Variants in EGFR observed in about 807,000 individuals in gnomAD.
The protein encoded by EGFR is avian erythroblastic leukemia viral (v-erb-b) oncogene homolog.
Under a neutral mutation model 143.0 loss-of-function variants are expected in EGFR, and 58 were observed. The ratio of observed to expected loss-of-function variants is 0.41; its 90% CI spans 0.33 to 0.50. EGFR has a LOEUF of 0.50. Among genes scored for constraint, EGFR ranks in the 20% least tolerant of loss-of-function variants. The pLI is 0.39. For missense variants in EGFR, 1,307 were observed against 1,579.0 expected (o/e 0.83, Z 2.92); for synonymous variants, 613 against 594.4 (o/e 1.03, Z -0.45).
intron 1 of EGFR, among the ~76,000 whole-genome samples, chr7:55,135,248 T>A (rs188730909): frequency 3.2e-4 from 49 of 151,848 alleles, no homozygotes; most frequent in African/African-American, 1.2e-3. Flanking sequence ...TAACTCAAAA[T>A]AAAGAGATGT....
intron 11 of EGFR, among the ~76,000 whole-genome samples, chr7:55,159,234 C>T (rs903692724): frequency 1.3e-5 from 2 of 152,242 alleles, no homozygotes; most frequent in East Asian, 1.9e-4. Context: ...TCACACCCAT[C>T]GTGGTCCGGC....
chr7:55,110,922 T>C (rs1410759228), intron 1 of EGFR, among the ~76,000 whole-genome samples: 1 of 152,146 alleles, frequency 6.6e-6, no homozygotes, highest in East Asian at 1.9e-4. Flanking sequence ...ATGAAGGGGA[T>C]TCAAGTGCCT....
intron 24 of EGFR, chr7:55,200,783 C>A (rs539980824): frequency 2.3e-5 from 11 of 478,396 alleles, no homozygotes; most frequent in African/African-American, 2.1e-4. Context: ...CCCAGGCAGC[C>A]GATCCACCTA....
chr7:55,158,031 C>G (rs559561456), intron 11 of EGFR, among the ~76,000 whole-genome samples: 1 of 152,332 alleles, frequency 6.6e-6, no homozygotes, highest in African/African-American at 2.4e-5. Flanking sequence ...TCTTTTCAGT[C>G]CATTTCTAAC....
At chr7:55,038,157 T>G (rs979181035) in intron 1 of EGFR, among the ~76,000 whole-genome samples, 6 of 152,130 alleles carry the variant, frequency 3.9e-5, no homozygotes, top group Non-Finnish European at 5.9e-5. Context: ...GATCCGTTTT[T>G]GGAAATAGTA....
chr7:55,118,903 T>C (rs1472295011), intron 1 of EGFR, among the ~76,000 whole-genome samples: 1 of 137,466 alleles, frequency 7.3e-6, no homozygotes, highest in Non-Finnish European at 1.6e-5. Context: ...AAAAAACTCA[T>C]ACTAGAAAGC....
At chr7:55,064,994 TATA>T (rs1400466466) in intron 1 of EGFR, among the ~76,000 whole-genome samples, 1 of 152,132 alleles carries the variant, frequency 6.6e-6, no homozygotes, top group African/African-American at 2.4e-5. Flanking sequence ...ACAAACCAAA[TATA>T]ATAAAATCAG....
chr7:55,097,235 GGCAGTACT>G (rs11278025), intron 1 of EGFR, among the ~76,000 whole-genome samples: 23,068 of 152,072 alleles, frequency 0.15, 1,762 homozygotes, highest in Middle Eastern at 0.26. Context: ...ACTTCTTCAA[GGCAGTACT>G]GCCTGGAACG....
chr7:55,142,215 T>G (rs1794496751), intron 1 of EGFR, 71 bp from the exon 2 acceptor site: 3 of 1,586,228 alleles, frequency 1.9e-6, no homozygotes, highest in Non-Finnish European at 2.6e-6. Context: ...ACCTGGACCT[T>G]GAGGGATTGT....
At chr7:55,064,601 T>C (rs1159178497) in intron 1 of EGFR, among the ~76,000 whole-genome samples, 1 of 152,190 alleles carries the variant, frequency 6.6e-6, no homozygotes, top group African/African-American at 2.4e-5. Context: ...TCAGTGCGCA[T>C]TTACTCTTAA....
At chr7:55,139,790 C>T (rs997919037) in intron 1 of EGFR, among the ~76,000 whole-genome samples, 6 of 152,248 alleles carry the variant, frequency 3.9e-5, no homozygotes, top group Middle Eastern at 3.4e-3. Context: ...ATCATCATGA[C>T]GTAGAATTTA....
intron 27 of EGFR, among the ~76,000 whole-genome samples, chr7:55,204,499 C>A (rs1044088995): frequency 5.8e-5 from 8 of 138,774 alleles, no homozygotes; most frequent in South Asian, 2.3e-4. Context: ...CACAAAAACC[C>A]CACACACACA....
chr7:55,025,304 A>C (rs1227403437), intron 1 of EGFR, among the ~76,000 whole-genome samples: 1 of 152,194 alleles, frequency 6.6e-6, no homozygotes, highest in Admixed American at 6.5e-5. Flanking sequence ...GGAGCAAGGA[A>C]GATTCAGGAC....
intron 1 of EGFR, among the ~76,000 whole-genome samples, chr7:55,121,220 A>G (rs1427984910): frequency 6.6e-6 from 1 of 152,192 alleles, no homozygotes; most frequent in East Asian, 1.9e-4. Flanking sequence ...TTACAACCAT[A>G]CATAGATTGA....
intron 1 of EGFR, among the ~76,000 whole-genome samples, chr7:55,075,616 C>A (rs940754282): frequency 6.6e-6 from 1 of 152,016 alleles, no homozygotes; most frequent in South Asian, 2.1e-4. Flanking sequence ...ATGGGCCACC[C>A]AAAGCTCGAG....
rs566432929 is a variant in EGFR, at chr7:55,094,451, C to T, written c.89-47835C>T. 7.9e-5 allele frequency among the ~76,000 whole-genome samples: 12 copies of T among 152,324 alleles called. No individual in the cohort carries two copies. In the East Asian group the frequency reaches 1.9e-3, roughly 24 times the overall value. ...CTGTCAGGAGACGCAGTTGCCCAGA[C>T]GTTTTCAAGGGCCTAAGATGTAGGC... On this transcript the variant is annotated intron_variant, in intron 1 of 27. Transcript: ENST00000275493.
At chr7:55,112,287 C>T (rs942136318) in intron 1 of EGFR, among the ~76,000 whole-genome samples, 4 of 152,254 alleles carry the variant, frequency 2.6e-5, no homozygotes, top group Non-Finnish European at 5.9e-5. Context: ...GGTCATTCCC[C>T]TGCCCAAGCA....
In EGFR at chr7:55,209,973, T is replaced by C. The variant is rs1426404636; in HGVS notation, c.*4356T>C. 6.6e-6 allele frequency: 1 copy of C among 152,198 alleles called. No individual in the cohort carries two copies. The highest frequency in any genetic ancestry group is 1.5e-5 in the Non-Finnish European group (1 of 68,030). The allele number at this position is 152,198 out of a possible 1,614,324, so 9.4% of individuals were successfully genotyped here. A position where few individuals can be genotyped will look rare whatever the true frequency, so the allele number is the denominator to read the frequency against. On this transcript the variant is annotated 3_prime_UTR_variant, in exon 28 of 28. Transcript: ENST00000275493. ...GCACAACCTCATTGGGGAGCTAAGC[T>C]AGGTCATTGTCATGGTGAAGAAGAG...
chr7:55,193,629 A>C (rs1187959683), intron 22 of EGFR, among the ~76,000 whole-genome samples: 1 of 152,078 alleles, frequency 6.6e-6, no homozygotes, highest in Non-Finnish European at 1.5e-5. Context: ...CCATGAACCT[A>C]CCCCTTCACT....
Sources: gnomAD v4.1 joint callset for allele counts (sites outside exome capture counted in the v4.1 genomes callset) on GRCh38, gnomAD v4.1.1 for gene constraint, MANE v1.5 for transcripts, NCBI Gene and HGNC (gene_info 2026-07-23, HGNC 2026-07-21) for gene names.